The following SAMD12 variants were observed in gnomAD, a reference collection of about 807,000 sequenced individuals.
The protein encoded by SAMD12 is sterile alpha motif domain-containing protein 12.
A neutral mutation model predicts 15.0 loss-of-function variants in SAMD12; 9 were observed. The ratio of observed to expected loss-of-function variants is 0.60; its 90% CI spans 0.36 to 1.05. The LOEUF (loss-of-function observed/expected upper bound fraction) is 1.05. Ranked by LOEUF, SAMD12 falls within the 50% of genes least tolerant of loss-of-function variation. SAMD12 has a pLI of 0.01. For synonymous variants in SAMD12, 86 were observed against 90.1 expected (o/e 0.96, Z 0.25); for missense variants, 230 against 234.2 (o/e 0.98, Z 0.12).
intron 4 of SAMD12, among the ~76,000 whole-genome samples, chr8:118,336,906 C>T (rs1393229055): frequency 2.0e-5 from 3 of 152,106 alleles, no homozygotes; most frequent in Non-Finnish European, 4.4e-5. Flanking sequence ...CAAACTATTG[C>T]AAGGACAGAA....
At chr8:118,613,287 A>C (rs571207700) in intron 1 of SAMD12, among the ~76,000 whole-genome samples, 1 of 152,354 alleles carries the variant, frequency 6.6e-6, no homozygotes, top group Non-Finnish European at 1.5e-5. Context: ...TACACTTGAA[A>C]TGGGGGCTAG....
At chr8:118,170,233 C>T in the SAMD12 span, among the ~76,000 whole-genome samples, 3 of 152,058 alleles carry the variant, frequency 2.0e-5, no homozygotes, top group African/African-American at 4.8e-5. Flanking sequence ...AGATTAAATG[C>T]CATCCATACT....
At chr8:118,496,397 C>T (rs1052478508) in intron 2 of SAMD12, among the ~76,000 whole-genome samples, 20 of 151,930 alleles carry the variant, frequency 1.3e-4, no homozygotes, top group African/African-American at 4.4e-4. Context: ...AACATGTTAG[C>T]GAACCCAGAA....
chr8:118,466,589 T>G (rs1288737353), intron 2 of SAMD12, among the ~76,000 whole-genome samples: 1 of 152,166 alleles, frequency 6.6e-6, no homozygotes, highest in Admixed American at 6.5e-5. Context: ...AGTATAAATA[T>G]CTTAAAAGAC....
intron 3 of SAMD12, among the ~76,000 whole-genome samples, chr8:118,408,446 G>A (rs1285641910): frequency 6.6e-6 from 1 of 152,090 alleles, no homozygotes; most frequent in East Asian, 1.9e-4. Context: ...ACCTGCCATC[G>A]CTTTCAGAGA....
At chr8:118,552,199 C>T (rs1364058077) in intron 2 of SAMD12, among the ~76,000 whole-genome samples, 2 of 152,104 alleles carry the variant, frequency 1.3e-5, no homozygotes, top group African/African-American at 2.4e-5. Flanking sequence ...CATCCTGATA[C>T]CAAAGCCGGG....
At chr8:118,430,371 C>CTTTT (rs35835490) in intron 3 of SAMD12, among the ~76,000 whole-genome samples, 3 of 146,040 alleles carry the variant, frequency 2.1e-5, no homozygotes, top group Non-Finnish European at 3.0e-5. Context: ...CTGTAATTGC[C>CTTTT]TTTTTTTTTT....
chr8:118,595,880 C>G (rs1827711080), intron 1 of SAMD12, among the ~76,000 whole-genome samples: 2 of 152,194 alleles, frequency 1.3e-5, no homozygotes. Context: ...CCATTTTAAG[C>G]ATTTTACATT....
At chr8:118,224,842 T>G (rs1346112733) in intron 4 of SAMD12, among the ~76,000 whole-genome samples, 1 of 152,226 alleles carries the variant, frequency 6.6e-6, no homozygotes, top group Non-Finnish European at 1.5e-5. Context: ...TGAATTTCAG[T>G]ACATCACTGG....
intron 2 of SAMD12, among the ~76,000 whole-genome samples, chr8:118,478,350 A>G (rs1824024482): frequency 6.6e-6 from 1 of 152,206 alleles, no homozygotes; most frequent in South Asian, 2.1e-4. Flanking sequence ...TTAACTGCAG[A>G]GCCCCTGACC....
At chr8:118,484,678 A>G (rs1051847835) in intron 2 of SAMD12, among the ~76,000 whole-genome samples, 5 of 152,136 alleles carry the variant, frequency 3.3e-5, no homozygotes, top group African/African-American at 1.2e-4. Flanking sequence ...ATTCCCTCAT[A>G]AAACCAACAG....
chr8:118,334,868 C>T (rs557664515), intron 4 of SAMD12, among the ~76,000 whole-genome samples: 22 of 152,228 alleles, frequency 1.4e-4, no homozygotes, highest in East Asian at 1.9e-4. Flanking sequence ...TGCTGGATTA[C>T]GGGCATGAGA....
At chr8:118,271,920 C>T (rs1002750045) in intron 4 of SAMD12, among the ~76,000 whole-genome samples, 1 of 152,192 alleles carries the variant, frequency 6.6e-6, no homozygotes, top group Non-Finnish European at 1.5e-5. Flanking sequence ...GCATTGAGTG[C>T]CTGTGGCTTT....
At chr8:118,465,307 G>A (rs1026639295) in intron 2 of SAMD12, among the ~76,000 whole-genome samples, 3 of 152,058 alleles carry the variant, frequency 2.0e-5, no homozygotes, top group Non-Finnish European at 4.4e-5. Context: ...TTCCTAATAC[G>A]ATTACTCAAC....
chr8:118,592,691 T>C (rs1827613044), intron 1 of SAMD12, among the ~76,000 whole-genome samples: 1 of 152,240 alleles, frequency 6.6e-6, no homozygotes, highest in Non-Finnish European at 1.5e-5. Context: ...TATTGATTTC[T>C]TCAAAAGTCA....
In SAMD12 at chr8:118,219,216, A is replaced by G. The variant is rs536577953; in HGVS notation, c.434-21484T>C. Among the ~76,000 whole-genome samples the G allele has an allele frequency of 2.0e-3, 311 of 152,264 alleles. 1 individual carries two copies. Among genetic ancestry groups the G allele is most frequent in the Non-Finnish European group, 3.5e-3 (235 of 68,030 alleles). The stretch of plus-strand genomic sequence containing the variant: ...TTTGCCATTTTAGCTATTTTATTAT[A>G]TACTCGAATTGCTTGCTGTGTGGTT... On this transcript the variant is annotated intron_variant, in intron 4 of 4. Coordinates refer to the SAMD12 transcript ENST00000409003.
chr8:118,541,601 T>G (rs1206084438), intron 2 of SAMD12, among the ~76,000 whole-genome samples: 2 of 152,212 alleles, frequency 1.3e-5, no homozygotes, highest in East Asian at 3.9e-4. Context: ...ATTTATAAAA[T>G]AGCGGGAAGA....
chr8:118,336,608 A>C (rs1817081545), intron 4 of SAMD12, among the ~76,000 whole-genome samples: 2 of 152,218 alleles, frequency 1.3e-5, no homozygotes, highest in Non-Finnish European at 2.9e-5. Flanking sequence ...ACTGTCTTCC[A>C]CAGTGGTTGA....
At chr8:118,600,289 A>G (rs973592417) in intron 1 of SAMD12, among the ~76,000 whole-genome samples, 24 of 152,182 alleles carry the variant, frequency 1.6e-4, no homozygotes, top group African/African-American at 5.5e-4. Context: ...AGAGTAAAAA[A>G]AAAAAAACTA....
Sources: gnomAD v4.1 joint callset for allele counts (sites outside exome capture counted in the v4.1 genomes callset) on GRCh38, gnomAD v4.1.1 for gene constraint, MANE v1.5 for transcripts, NCBI Gene and HGNC (gene_info 2026-07-23, HGNC 2026-07-21) for gene names.